Variants in RELN observed in about 807,000 individuals in gnomAD.
The protein encoded by RELN is reelin.
A neutral mutation model predicts 427.6 loss-of-function variants in RELN; 108 were observed. The ratio of observed to expected loss-of-function variants is 0.25; its 90% CI spans 0.22 to 0.30. The LOEUF is 0.30. RELN is among the 10% of genes least tolerant of loss of function. RELN has a pLI of 1.00. For synonymous variants in RELN, 1,524 were observed against 1,513.4 expected (o/e 1.01, Z -0.16); for missense variants, 3,715 against 4,302.8 (o/e 0.86, Z 3.82).
chr7:103,934,798 G>A (rs571870297), intron 1 of RELN, among the ~76,000 whole-genome samples: 3 of 152,292 alleles, frequency 2.0e-5, no homozygotes, highest in African/African-American at 7.2e-5. Flanking sequence ...CATTAATCTA[G>A]AGGCAAAAAG....
chr7:103,808,599 GA>G (rs1051020250), intron 3 of RELN, among the ~76,000 whole-genome samples: 2 of 151,104 alleles, frequency 1.3e-5, no homozygotes, highest in African/African-American at 2.4e-5. Flanking sequence ...GTGATACAAA[GA>G]AAAAATATTT....
In RELN at chr7:103,917,155, C is replaced by A; in HGVS notation, c.257G>T (p.Gly86Val). The A allele has an allele frequency of 1.2e-6, 2 of 1,613,322 alleles. No individual in the cohort carries two copies. The highest frequency in any genetic ancestry group is 1.3e-5 in the African/African-American group (1 of 74,868). ...TGTGTATAGTCCTGTCACCAGCAAG[C>A]CGTCAAAAAAGGTGCTTGTTGAAAT... ...VTISTSTFFD[G>V]LLVTGLYTST... is the part of the protein sequence containing the mutation. Residue 86 changes from glycine (G) to valine (V), a missense_variant, in exon 2 of 65, where the codon GGC (glycine) becomes GTC (valine). Coordinates refer to ENST00000428762, the MANE Select transcript of RELN (RefSeq NM_005045.4).
chr7:103,600,760 G>C lies in RELN; in HGVS notation c.3333+2544C>G, dbSNP rs529539774. ...TTAGGGGGAAAGCTGAATTGGAAGG[G>C]GCAGAGAATTTTACTTTTGAAATGA... On this transcript the variant is annotated intron_variant, in intron 24 of 64. Transcript: ENST00000428762. 2.0e-5 allele frequency among the ~76,000 whole-genome samples: 3 copies of C among 152,278 alleles called. No homozygotes were observed. The South Asian group carries it at 6.2e-4, about 32-fold the overall frequency.
At chr7:103,700,533 A>G (rs1468322420) in intron 9 of RELN, among the ~76,000 whole-genome samples, 2 of 152,116 alleles carry the variant, frequency 1.3e-5, no homozygotes, top group South Asian at 2.1e-4. Context: ...CACAGACTGG[A>G]AGGGATTTAA....
At chr7:103,672,549 G>A (rs1833416382) in intron 11 of RELN, among the ~76,000 whole-genome samples, 1 of 152,074 alleles carries the variant, frequency 6.6e-6, no homozygotes, top group Admixed American at 6.6e-5. Context: ...GAAAAAGGAG[G>A]AAGTAGTACA....
In RELN at chr7:103,650,279, T is replaced by A; in HGVS notation, c.1997A>T (p.Asp666Val). Residue 666 changes from aspartate (D) to valine (V), a missense_variant, in exon 16 of 65, where the codon GAT becomes GTT. Physicochemically the swap from Asp to Val is radical, Grantham distance 152 (BLOSUM62 -3). Coordinates refer to ENST00000428762, the MANE Select transcript of RELN (RefSeq NM_005045.4). ...TGACAGGCATAAACACTAACCATTA[T>A]CAATTGCCCACATGTTTCCAAGGAT... The part of the protein sequence containing the change: ...GPILGNMWAI[D>V]NVYIGPSCLK... 6.3e-7 allele frequency: 1 copy of A among 1,588,516 alleles called. No individual in the cohort carries two copies. Among genetic ancestry groups the A allele is most frequent in the Non-Finnish European group, 8.6e-7 (1 of 1,157,004 alleles).
chr7:103,866,511 C>T (rs1794200814), intron 2 of RELN, among the ~76,000 whole-genome samples: 1 of 152,038 alleles, frequency 6.6e-6, no homozygotes, highest in South Asian at 2.1e-4. Flanking sequence ...TGTGATTGTG[C>T]TCCTGACATG....
chr7:103,748,427 G>A (rs1220096159), intron 6 of RELN, among the ~76,000 whole-genome samples: 2 of 151,984 alleles, frequency 1.3e-5, no homozygotes, highest in Non-Finnish European at 2.9e-5. Flanking sequence ...CAACTTTCTC[G>A]AACAAACTCC....
At chr7:103,961,842 A>C (rs1796561875) in intron 1 of RELN, among the ~76,000 whole-genome samples, 1 of 152,204 alleles carries the variant, frequency 6.6e-6, no homozygotes. Context: ...AGGGTGTCTG[A>C]GAGTAGGAAG....
intron 1 of RELN, among the ~76,000 whole-genome samples, chr7:103,972,696 T>C (rs1015705383): frequency 6.6e-6 from 1 of 152,182 alleles, no homozygotes; most frequent in African/African-American, 2.4e-5. Context: ...AGATGCGGCA[T>C]CACTGTCAGG....
intron 51 of RELN, among the ~76,000 whole-genome samples, chr7:103,510,438 G>A (rs927659554): frequency 3.3e-5 from 5 of 152,172 alleles, no homozygotes; most frequent in African/African-American, 9.7e-5. Flanking sequence ...GTTGAACAAT[G>A]AGAACACATC....
At chr7:103,705,910 T>G (rs940802233) in intron 8 of RELN, among the ~76,000 whole-genome samples, 9 of 152,250 alleles carry the variant, frequency 5.9e-5, no homozygotes, top group Admixed American at 6.5e-5. Context: ...GCATTCTATT[T>G]AATGAACTTT....
At chr7:103,960,510 G>A (rs140929231) in intron 1 of RELN, among the ~76,000 whole-genome samples, 10 of 151,714 alleles carry the variant, frequency 6.6e-5, no homozygotes, top group African/African-American at 1.9e-4. Flanking sequence ...ATATTTTATC[G>A]TATTTTTTCT....
chr7:103,921,787 G>A lies in RELN; in HGVS notation c.227-4602C>T, dbSNP rs559073048. ...ACATCTGATTAAAGGATGTTAACTG[G>A]ATTAAACAGTTAAACCAGAACACGT... On this transcript the variant is annotated intron_variant, in intron 1 of 64. Coordinates refer to ENST00000428762, the MANE Select transcript of RELN (RefSeq NM_005045.4). Among the ~76,000 whole-genome samples, 8 of 152,246 alleles carry A rather than the reference G, an allele frequency of 5.3e-5. No individual in the cohort carries two copies. In the South Asian group the frequency reaches 1.7e-3, roughly 32 times the overall value.
intron 20 of RELN, among the ~76,000 whole-genome samples, chr7:103,617,181 A>G (rs1832100377): frequency 6.6e-6 from 1 of 152,154 alleles, no homozygotes; most frequent in South Asian, 2.1e-4. Flanking sequence ...TGTGTGTGTG[A>G]AGCCTTTTCA....
chr7:103,887,147 G>A (rs1794741330), intron 2 of RELN, among the ~76,000 whole-genome samples: 2 of 152,162 alleles, frequency 1.3e-5, no homozygotes, highest in Non-Finnish European at 2.9e-5. Flanking sequence ...CTTAACACAA[G>A]GTGGCTGCTA....
intron 16 of RELN, among the ~76,000 whole-genome samples, chr7:103,648,202 C>T (rs554120442): frequency 6.6e-6 from 1 of 152,138 alleles, no homozygotes; most frequent in South Asian, 2.1e-4. Flanking sequence ...GTGACTGGAT[C>T]ATGGGGGTGG....
intron 1 of RELN, among the ~76,000 whole-genome samples, chr7:103,926,627 G>GTTTTTTTTTTTTTT (rs60259062): frequency 3.0e-5 from 3 of 99,462 alleles, no homozygotes; most frequent in Non-Finnish European, 4.1e-5. Context: ...AGTATCATAA[G>GTTTTTTTTTTTTTT]TTTTTTTTTT....
intron 53 of RELN, 113 bp downstream of exon 53, chr7:103,500,632 C>T: frequency 1.9e-6 from 2 of 1,037,732 alleles, no homozygotes; most frequent in South Asian, 3.0e-5. Flanking sequence ...AAAGGATTTT[C>T]TTTCCTGGGG....
Sources: gnomAD v4.1 joint callset for allele counts (sites outside exome capture counted in the v4.1 genomes callset) on GRCh38, gnomAD v4.1.1 for gene constraint, MANE v1.5 for transcripts, NCBI Gene and HGNC (gene_info 2026-07-23, HGNC 2026-07-21) for gene names.